Variants in TSKS observed in about 807,000 individuals in gnomAD.
The protein encoded by TSKS is testis specific serine kinase substrate, also known as testis-specific serine kinase substrate.
TSKS carries 27 observed loss-of-function variants against 68.0 expected under a neutral mutation model. That is an observed-to-expected ratio of 0.40 (90% confidence interval 0.29 to 0.55). The LOEUF (loss-of-function observed/expected upper bound fraction) is 0.55. Among genes scored for constraint, TSKS ranks in the 20% least tolerant of loss-of-function variants. The pLI, the probability that TSKS is intolerant of heterozygous loss-of-function variation, is 0.53. For synonymous variants in TSKS, 331 were observed against 340.4 expected (o/e 0.97, Z 0.30); for missense variants, 806 against 776.0 (o/e 1.04, Z -0.46).
intron 5 of TSKS, chr19:49,747,167 C>T: frequency 6.5e-7 from 1 of 1,536,342 alleles, no homozygotes; most frequent in Non-Finnish European, 8.7e-7. Flanking sequence ...GCTCGATTCT[C>T]TTTCTGGGAC....
intron 6 of TSKS, 84 bp downstream of exon 6, chr19:49,746,386 C>T: frequency 8.5e-6 from 13 of 1,525,644 alleles, no homozygotes; most frequent in Non-Finnish European, 1.1e-5. Context: ...TCCCTTGGGT[C>T]CCGCCCACCG....
chr19:49,760,904 C>T (rs2084434777), intron 2 of TSKS, among the ~76,000 whole-genome samples: 1 of 152,058 alleles, frequency 6.6e-6, no homozygotes, highest in African/African-American at 2.4e-5. Flanking sequence ...GCCTGACCAA[C>T]ATGGAGAAAC....
chr19:49,742,151 G>T, intron 8 of TSKS, 131 bp from the exon 9 acceptor site: 1 of 966,118 alleles, frequency 1.0e-6, no homozygotes, highest in Non-Finnish European at 1.5e-6. Context: ...TTCCCAGCAT[G>T]CACTGTGCAC....
intron 6 of TSKS, 57 bp from the exon 7 acceptor site, chr19:49,745,453 A>C (rs1465251804): frequency 7.2e-7 from 1 of 1,381,608 alleles, no homozygotes; most frequent in Non-Finnish European, 9.6e-7. Flanking sequence ...GTCCCCACCT[A>C]CCCCCACGAG....
Position 49,746,509 on chromosome 19 carries a change from T to A in TSKS, c.953A>T (p.Gln318Leu). 1.2e-6 allele frequency: 2 copies of A among 1,613,926 alleles called. No individual in the cohort carries two copies. The highest frequency in any genetic ancestry group is 1.7e-6 in the Non-Finnish European group (2 of 1,179,950). Residue 318 changes from glutamine (Q) to leucine (L), a missense_variant, in exon 6 of 11, where the codon CAG becomes CTG. Gln to Leu is a moderately radical substitution (Grantham distance 113). Coordinates refer to ENST00000246801, the MANE Select transcript of TSKS (RefSeq NM_021733.2). Reference sequence around the variant, plus strand: ...GCCGGTGAACAGCTTCTGCAATTCCTGCTCGCTCACGTAGGGGCCCTCGCC... The same window carrying A: ...GCCGGTGAACAGCTTCTGCAATTCCAGCTCGCTCACGTAGGGGCCCTCGCC... The part of the protein sequence containing the change: ...RAGEGPYVSE[Q>L]ELQKLFTGIE...
intron 2 of TSKS, among the ~76,000 whole-genome samples, chr19:49,748,789 A>T (rs2123612131): frequency 6.6e-6 from 1 of 152,240 alleles, no homozygotes; most frequent in Admixed American, 6.5e-5. Context: ...CTTGGGGGCC[A>T]GGTGCCGTGG....
At chr19:49,761,495 G>A (rs760556865) in intron 2 of TSKS, among the ~76,000 whole-genome samples, 2 of 152,102 alleles carry the variant, frequency 1.3e-5, no homozygotes, top group African/African-American at 4.8e-5. Flanking sequence ...GCTTTCCCTG[G>A]TACCCCCCAG....
chr19:49,757,706 C>G (rs1056078453), intron 2 of TSKS, among the ~76,000 whole-genome samples: 30 of 152,128 alleles, frequency 2.0e-4, no homozygotes, highest in African/African-American at 5.8e-4. Context: ...TCTCTGTCCC[C>G]CTCTTTCCAG....
chr19:49,761,541 G>A (rs2084440335), intron 2 of TSKS, among the ~76,000 whole-genome samples: 2 of 152,148 alleles, frequency 1.3e-5, no homozygotes, highest in South Asian at 4.1e-4. Context: ...GATCTCCTCC[G>A]TTAGGGAATT....
At chr19:49,760,867 T>C (rs1023556887) in intron 2 of TSKS, among the ~76,000 whole-genome samples, 1 of 151,918 alleles carries the variant, frequency 6.6e-6, no homozygotes, top group Non-Finnish European at 1.5e-5. Context: ...GGTGGGCAGA[T>C]CACCTGAGGT....
rs1398183326 is a variant in TSKS at position 49,747,412 on chromosome 19, T to C, written c.640A>G (p.Lys214Glu). 4 of 1,614,188 alleles carry C rather than the reference T, an allele frequency of 2.5e-6. No individual in the cohort carries two copies. Among genetic ancestry groups the C allele is most frequent in the Non-Finnish European group, 3.4e-6 (4 of 1,180,034 alleles). The change falls in exon 5 of 11, where the codon AAG becomes GAG. Residue 214 changes from lysine (K) to glutamate (E), a missense_variant. Lys to Glu is a moderately conservative substitution (Grantham distance 56). Coordinates refer to ENST00000246801, the MANE Select transcript of TSKS (RefSeq NM_021733.2). ...EDAEIKTNVL[K>E]QNSALLEEKL... Reference sequence around the variant, plus strand: ...ACCTCCAGCAGGGCAGAATTCTGCTTCAAGACGTTGGTTTTGATTTCAGCA... The same window carrying C: ...ACCTCCAGCAGGGCAGAATTCTGCTCCAAGACGTTGGTTTTGATTTCAGCA...
intron 6 of TSKS, 125 bp downstream of exon 6, chr19:49,746,345 A>T (rs925270420): frequency 1.7e-6 from 2 of 1,152,430 alleles, no homozygotes; most frequent in African/African-American, 3.2e-5. Context: ...CACCCATGTC[A>T]CCGCCCACCT....
rs773680306 is a variant in TSKS, at chr19:49,763,239, G to A, written c.9C>T (p.Ser3=). Residue 3 remains serine (S), a synonymous_variant, in exon 1 of 11, where the codon AGC becomes AGT. Transcript: ENST00000246801. This position sits in a 1 kb window ranked among gnomAD's most constrained non-coding sequence, Gnocchi z 4.5. MA[S]VVVKTIWQSK... The stretch of plus-strand genomic sequence containing the variant: ...ACTGCCAGATCGTCTTCACCACCAC[G>A]CTCGCCATGGTGTGGGGGTCTGGCT... 26 of 1,496,158 alleles carry A rather than the reference G, an allele frequency of 1.7e-5. No individual in the cohort carries two copies. Among genetic ancestry groups the A allele is most frequent in the Middle Eastern group, 2.0e-4 (1 of 4,928 alleles). The allele number at this position is 1,496,158 out of a possible 1,614,324, so 92.7% of individuals were successfully genotyped here.
At chr19:49,740,264 G>C in intron 9 of TSKS, 81 bp from the exon 10 acceptor site, 1 of 1,512,218 alleles carries the variant, frequency 6.6e-7, no homozygotes, top group Non-Finnish European at 8.8e-7. Context: ...GGAGGGCAAA[G>C]GGTAGGGTCC....
chr19:49,742,856 AACATTTCCCATAATAC>A (rs1429695906), intron 8 of TSKS, among the ~76,000 whole-genome samples: 8 of 152,032 alleles, frequency 5.3e-5, no homozygotes, highest in Admixed American at 5.3e-4. Flanking sequence ...GTCAAGAACT[AACATTTCCCATAATAC>A]ACTAGTGAAA....
chr19:49,745,106 A>G (rs938399834), intron 7 of TSKS, 96 bp downstream of exon 7: 10 of 1,249,038 alleles, frequency 8.0e-6, no homozygotes, highest in Non-Finnish European at 1.1e-5. Context: ...GCCTGGCCAT[A>G]GCTGATTGGC....
chr19:49,747,812 A>C (rs936391301), intron 4 of TSKS, among the ~76,000 whole-genome samples: 2 of 152,084 alleles, frequency 1.3e-5, no homozygotes, highest in African/African-American at 4.8e-5. Context: ...GGATTCAAGC[A>C]ATTCTTCTGC....
At position 49,748,627 on chromosome 19, in the gene TSKS, A is replaced by T. The variant is rs186757539; in HGVS notation, c.400-158T>A. On this transcript the variant is annotated intron_variant, in intron 2 of 10. Coordinates refer to ENST00000246801, the MANE Select transcript of TSKS (RefSeq NM_021733.2). ...AAGGGCTATACCTCTGATTCTTAGC[A>T]TTCCTGCGCGGCAAACCCAGGGCAT... Among the ~76,000 whole-genome samples, 93 of 152,300 alleles carry T rather than the reference A, an allele frequency of 6.1e-4. 1 individual carries two copies. The highest frequency in any genetic ancestry group is 1.1e-3 in the Non-Finnish European group (77 of 68,028).
chr19:49,746,168 C>A (rs1177513513), intron 6 of TSKS, among the ~76,000 whole-genome samples: 8 of 152,006 alleles, frequency 5.3e-5, no homozygotes, highest in African/African-American at 1.7e-4. Flanking sequence ...GGGCGACAAG[C>A]GAGACTCCGC....
Sources: gnomAD v4.1 joint callset for allele counts (sites outside exome capture counted in the v4.1 genomes callset) on GRCh38, gnomAD v4.1.1 for gene constraint, Gnocchi (gnomAD v3.1) non-coding constraint, MANE v1.5 for transcripts, NCBI Gene and HGNC (gene_info 2026-07-23, HGNC 2026-07-21) for gene names.